ZNF12: variants seen among roughly 807,000 people sequenced by gnomAD.
The protein encoded by ZNF12 is zinc finger protein 12, also known as gonadotropin inducible transcription repressor 3.
In ZNF12, 34 loss-of-function variants were observed where a neutral mutation model predicts 66.6. The observed-to-expected ratio is 0.51, with a 90% CI of 0.39 to 0.68. The LOEUF is 0.68. ZNF12 is among the 30% of genes least tolerant of loss of function. The pLI is 0.00. For missense variants in ZNF12, 697 were observed against 826.9 expected, an observed-to-expected ratio of 0.84 and a Z score of 1.93; for synonymous variants, 320 against 278.9, an observed-to-expected ratio of 1.15 and a Z score of -1.47.
In ZNF12 at chr7:6,690,667, A is replaced by C. The variant is rs1780051304; in HGVS notation, c.*181T>G. 1.6e-6 allele frequency: 1 copy of C among 611,786 alleles called. No individual in the cohort carries two copies. The highest frequency in any genetic ancestry group is 2.3e-5 in the South Asian group (1 of 42,820). 37.9% of individuals were successfully genotyped at this position (611,786 alleles called of 1,614,324 possible). A position where few individuals can be genotyped will look rare whatever the true frequency, so the allele number is the denominator to read the frequency against. On this transcript the variant is annotated 3_prime_UTR_variant, in exon 5 of 5. Coordinates refer to ENST00000405858, the MANE Select transcript of ZNF12 (RefSeq NM_016265.4). The stretch of plus-strand genomic sequence containing the variant: ...GTCTATAGTCTAGTATTGTTATACC[A>C]TGTGGTCTTGTTATAATCATGGTTT...
Sources: allele counts gnomAD v4.1 joint callset, GRCh38; gene constraint gnomAD v4.1.1; transcripts MANE v1.5; gene names NCBI Gene and HGNC (gene_info 2026-07-23, HGNC 2026-07-21).